KLHDC4: variants seen among roughly 807,000 people sequenced by gnomAD.
The protein encoded by KLHDC4 is kelch domain-containing protein 4.
Under a neutral mutation model 62.4 loss-of-function variants are expected in KLHDC4, and 90 were observed. The ratio of observed to expected loss-of-function variants is 1.44; its 90% CI spans 1.22 to 1.72. The LOEUF (loss-of-function observed/expected upper bound fraction) is 1.72, where lower values mean the gene tolerates loss of function less well. KLHDC4 is among the 40% of genes most tolerant of loss of function. The pLI is 0.00. For synonymous variants in KLHDC4, 386 were observed against 284.4 expected (o/e 1.36, Z -3.59); for missense variants, 1,025 against 699.7 (o/e 1.47, Z -5.25).
At chr16:87,708,292 G>C in intron 11 of KLHDC4, 58 bp downstream of exon 11, 4 of 1,160,238 alleles carry the variant, frequency 3.4e-6, no homozygotes, top group Non-Finnish European at 3.7e-6. Context: ...CGATAAACAT[G>C]AAAAGCCTTT....
chr16:87,742,974 G>C (rs1269577519), intron 5 of KLHDC4: 2 of 152,334 alleles, frequency 1.3e-5, no homozygotes, highest in Admixed American at 6.5e-5. Context: ...GAGGAAAACT[G>C]TGAAACAGGA....
chr16:87,743,820 C>A (rs905734097), intron 5 of KLHDC4, among the ~76,000 whole-genome samples: 1 of 152,158 alleles, frequency 6.6e-6, no homozygotes, highest in Admixed American at 6.5e-5. Context: ...ATTTGACACT[C>A]TTACCACCAT....
chr16:87,763,648 T>G (rs1405580032), intron 1 of KLHDC4: 1 of 152,352 alleles, frequency 6.6e-6, no homozygotes, highest in African/African-American at 2.4e-5. Flanking sequence ...GGTATCATAC[T>G]GTATATTCTT....
intron 6 of KLHDC4, chr16:87,729,176 G>A (rs879939634): frequency 7.9e-5 from 12 of 152,136 alleles, no homozygotes; most frequent in South Asian, 4.1e-4. Context: ...CAAAATTAAT[G>A]AGACTATATC....
intron 4 of KLHDC4, chr16:87,750,402 C>T (rs1597334463): frequency 6.6e-6 from 1 of 152,342 alleles, no homozygotes; most frequent in African/African-American, 2.4e-5. Context: ...CTGTAACGCA[C>T]CTAGTGGCAT....
At chr16:87,745,564 C>T (rs1166445084) in intron 5 of KLHDC4, among the ~76,000 whole-genome samples, 1 of 152,260 alleles carries the variant, frequency 6.6e-6, no homozygotes, top group African/African-American at 2.4e-5. Flanking sequence ...CTGGCTTCTG[C>T]TGAATGTCTT....
rs2035757232 is a variant in KLHDC4 at position 87,711,241 on chromosome 16, C to A, written c.1038G>T (p.Gln346His). 5.6e-6 allele frequency: 9 copies of A among 1,614,084 alleles called. No homozygotes were observed. In the East Asian group the frequency reaches 6.7e-5, roughly 12 times the overall value. The part of the protein sequence containing the change: ...DATRNRWFEG[Q>H]LKGPKSEKKK... Reference sequence around the variant, plus strand: ...TACTCAGAGGTTGCACTACCTTCAGCTGTCCCTCAAACCAACGGTTCCTGG... The same window carrying A: ...TACTCAGAGGTTGCACTACCTTCAGATGTCCCTCAAACCAACGGTTCCTGG... Residue 346 changes from glutamine to histidine, a missense_variant, in exon 9 of 12, where the codon CAG becomes CAT. Coordinates refer to ENST00000270583, the MANE Select transcript of KLHDC4 (RefSeq NM_017566.4).
chr16:87,704,707 C>T (rs138152057), downstream of KLHDC4, among the ~76,000 whole-genome samples: 62 of 152,086 alleles, frequency 4.1e-4, 1 homozygote, highest in East Asian at 9.5e-3. Flanking sequence ...CTTGTACCAA[C>T]TCAATTAAAA....
chr16:87,741,166 G>C (rs1162896887), intron 5 of KLHDC4, among the ~76,000 whole-genome samples: 2 of 152,200 alleles, frequency 1.3e-5, no homozygotes, highest in African/African-American at 2.4e-5. Context: ...CTAGAATGGA[G>C]AAGACAATGA....
chr16:87,713,456 C>A (rs909203270), intron 8 of KLHDC4, among the ~76,000 whole-genome samples: 2 of 152,154 alleles, frequency 1.3e-5, no homozygotes, highest in African/African-American at 4.8e-5. Context: ...CCTCAGCCTC[C>A]CAAAGTGCTG....
At chr16:87,709,085 C>T (rs1404988822) in intron 10 of KLHDC4, among the ~76,000 whole-genome samples, 180 bp downstream of exon 10, 2 of 152,256 alleles carry the variant, frequency 1.3e-5, no homozygotes, top group African/African-American at 4.8e-5. Context: ...CCAGGGTGGG[C>T]CCCCCTTTCC....
At chr16:87,734,955 GACGAATTGCCTGACGCCCCTCCCCCT>G (rs2041031713) in intron 5 of KLHDC4, among the ~76,000 whole-genome samples, 1 of 40,962 alleles carries the variant, frequency 2.4e-5, no homozygotes, top group Admixed American at 2.2e-4. Flanking sequence ...TCCCACTCCT[GACGAATTGCCTGACGCCCCTCCCCCT>G]CCTGACGAAT....
chr16:87,713,267 T>C (rs1238948885), intron 8 of KLHDC4, among the ~76,000 whole-genome samples: 1 of 151,836 alleles, frequency 6.6e-6, no homozygotes, highest in Non-Finnish European at 1.5e-5. Flanking sequence ...TGGTGCAATC[T>C]CGGCTCACTG....
chr16:87,725,905 A>C (rs1279992959), intron 7 of KLHDC4, among the ~76,000 whole-genome samples: 1 of 152,170 alleles, frequency 6.6e-6, no homozygotes, highest in African/African-American at 2.4e-5. Flanking sequence ...ATTTCATTCC[A>C]CAGAGACTAC....
chr16:87,746,056 G>T (rs371127549), intron 5 of KLHDC4, among the ~76,000 whole-genome samples: 1 of 151,976 alleles, frequency 6.6e-6, no homozygotes, highest in Non-Finnish European at 1.5e-5. Flanking sequence ...TTGAGGCCAA[G>T]AGTTCAAGAC....
chr16:87,705,248 G>A (rs914154489), downstream of KLHDC4, among the ~76,000 whole-genome samples: 9 of 152,378 alleles, frequency 5.9e-5, no homozygotes, highest in Middle Eastern at 3.4e-3. Flanking sequence ...GCCCTACGGT[G>A]GCTATCTGGC....
At chr16:87,755,429 A>C in intron 3 of KLHDC4, 137 bp from the exon 4 acceptor site, 1 of 504,620 alleles carries the variant, frequency 2.0e-6, no homozygotes, top group Non-Finnish European at 3.7e-6. Flanking sequence ...CAGGGAGGCC[A>C]TGGGCTGGGT....
chr16:87,744,192 G>A (rs971363335), intron 5 of KLHDC4, among the ~76,000 whole-genome samples: 2 of 152,110 alleles, frequency 1.3e-5, no homozygotes, highest in African/African-American at 4.8e-5. Context: ...GAGGTGGGGG[G>A]ATCACCTGAG....
At chr16:87,734,327 G>C (rs560287687) in intron 5 of KLHDC4, among the ~76,000 whole-genome samples, 1 of 151,888 alleles carries the variant, frequency 6.6e-6, no homozygotes, top group Non-Finnish European at 1.5e-5. Flanking sequence ...CTGGGCGATA[G>C]AGCAAGACTC....
Sources: allele counts gnomAD v4.1 joint callset (sites outside exome capture counted in the v4.1 genomes callset), GRCh38; gene constraint gnomAD v4.1.1; transcripts MANE v1.5; gene names NCBI Gene and HGNC (gene_info 2026-07-23, HGNC 2026-07-21).